NAV2: variants seen among roughly 807,000 people sequenced by gnomAD.
NAV2 encodes neuron navigator 2, also known as helicase, APC down-regulated 1.
A neutral mutation model predicts 223.2 loss-of-function variants in NAV2; 54 were observed. The observed-to-expected ratio is 0.24, with a 90% confidence interval of 0.19 to 0.30. The LOEUF is 0.30. NAV2 is among the 10% of genes least tolerant of loss of function. The pLI is 1.00. For synonymous variants in NAV2, 1,279 were observed against 1,239.3 expected, an observed-to-expected ratio of 1.03 and a Z score of -0.67; for missense variants, 2,806 against 3,147.5, an observed-to-expected ratio of 0.89 and a Z score of 2.60.
At chr11:20,082,559 C>G (rs773126841) in intron 25 of NAV2, 1 of 1,613,614 alleles carries the variant, frequency 6.2e-7, no homozygotes. Flanking sequence ...TTTCCTCCCC[C>G]TTCCCCATTT....
At chr11:19,460,148 C>A (rs1020722731) in intron 1 of NAV2, among the ~76,000 whole-genome samples, 1 of 152,184 alleles carries the variant, frequency 6.6e-6, no homozygotes, top group Non-Finnish European at 1.5e-5. Flanking sequence ...CATGGTGTTT[C>A]ACACATAGTC....
At chr11:19,749,407 A>G (rs747818524) in intron 1 of NAV2, among the ~76,000 whole-genome samples, 22 of 152,304 alleles carry the variant, frequency 1.4e-4, no homozygotes, top group African/African-American at 4.8e-4. Flanking sequence ...GTTATTTTTT[A>G]TGATGACTTT....
At position 20,042,024 on chromosome 11, in the gene NAV2, G is replaced by A. The variant is rs145750169; in HGVS notation, c.2908-1957G>A. Among the ~76,000 whole-genome samples the A allele has an allele frequency of 1.6e-4, 24 of 152,176 alleles. No individual in the cohort carries two copies. The East Asian group carries it at 3.9e-3, about 24-fold the overall frequency. ...CTATCTCTGCCTGTTTCACTGGATCGTAAGCTCCACCATGGGTGGGAAATC... is the reference window on the plus strand; with the variant it reads ...CTATCTCTGCCTGTTTCACTGGATCATAAGCTCCACCATGGGTGGGAAATC... On this transcript the variant is annotated intron_variant, in intron 12 of 37. Transcript: ENST00000349880.
intron 1 of NAV2, among the ~76,000 whole-genome samples, chr11:19,635,184 A>G (rs1411868471): frequency 1.3e-5 from 2 of 152,214 alleles, no homozygotes; most frequent in African/African-American, 4.8e-5. Context: ...AAGTGATATA[A>G]GATGTGGTTG....
chr11:19,503,447 T>C (rs1238888731), intron 1 of NAV2: 1 of 152,224 alleles, frequency 6.6e-6, no homozygotes, highest in Non-Finnish European at 1.5e-5. Flanking sequence ...CTCTGTGCTC[T>C]GCTTATTCAT....
chr11:19,582,488 T>G (rs951792044), intron 1 of NAV2, among the ~76,000 whole-genome samples: 137 of 152,380 alleles, frequency 9.0e-4, no homozygotes, highest in Non-Finnish European at 1.2e-3. Flanking sequence ...CTAGGGTTTT[T>G]ATGGTTTTAG....
At chr11:19,410,669 G>T (rs1291861414) in intron 1 of NAV2, among the ~76,000 whole-genome samples, 1 of 152,102 alleles carries the variant, frequency 6.6e-6, no homozygotes, top group Non-Finnish European at 1.5e-5. Context: ...ACTAATGAAG[G>T]TATAATAGAT....
At chr11:19,651,730 T>C (rs1329682747) in intron 1 of NAV2, among the ~76,000 whole-genome samples, 1 of 152,212 alleles carries the variant, frequency 6.6e-6, no homozygotes, top group Non-Finnish European at 1.5e-5. Flanking sequence ...TGGAAACTTG[T>C]TTTATAATTT....
At chr11:19,359,378 G>A (rs1201776828) in intron 1 of NAV2, among the ~76,000 whole-genome samples, 1 of 152,194 alleles carries the variant, frequency 6.6e-6, no homozygotes, top group African/African-American at 2.4e-5. Flanking sequence ...ACGGGTCCAT[G>A]GTGACAGGTG....
Position 20,068,088 on chromosome 11 carries a change from G to C in NAV2, c.4885-98G>C, listed in dbSNP as rs552075175. On this transcript the variant is annotated intron_variant, in intron 20 of 37. Coordinates refer to ENST00000349880, the MANE Select transcript of NAV2 (RefSeq NM_145117.5). ...AGAAAAGAAACTAATAATTCTTCCA[G>C]ACTGCTGCAACCATCTGAATATGGT... 39 of 1,092,958 alleles carry C rather than the reference G, an allele frequency of 3.6e-5. No individual in the cohort carries two copies. The South Asian group carries it at 3.6e-4, about 10-fold the overall frequency. The allele number at this position is 1,092,958 out of a possible 1,614,324, so 67.7% of individuals were successfully genotyped here. A position where few individuals can be genotyped will look rare whatever the true frequency, so the allele number is the denominator to read the frequency against.
At chr11:19,759,133 C>G (rs1276029693) in intron 1 of NAV2, among the ~76,000 whole-genome samples, 1 of 113,042 alleles carries the variant, frequency 8.8e-6, no homozygotes, top group Non-Finnish European at 1.7e-5. Flanking sequence ...GAATCTTGCT[C>G]TGTCAGTGGC....
intron 1 of NAV2, among the ~76,000 whole-genome samples, chr11:19,664,729 A>C (rs2048366031): frequency 6.6e-6 from 1 of 152,182 alleles, no homozygotes; most frequent in Non-Finnish European, 1.5e-5. Context: ...CTATACCTTG[A>C]GGGCTTTACA....
At chr11:19,619,235 G>T (rs541644473) in intron 1 of NAV2, among the ~76,000 whole-genome samples, 2 of 142,856 alleles carry the variant, frequency 1.4e-5, no homozygotes, top group Non-Finnish European at 3.0e-5. Flanking sequence ...GCATGTGTCT[G>T]TATAGCAGCA....
At chr11:20,114,478 C>T (rs2062887120) in intron 36 of NAV2, 114 bp from the exon 37 acceptor site, 3 of 879,578 alleles carry the variant, frequency 3.4e-6, no homozygotes, top group African/African-American at 3.3e-5. Context: ...TGGAATTACT[C>T]CATCAGGGAA....
chr11:20,095,138 C>A (rs2153690178), intron 29 of NAV2, among the ~76,000 whole-genome samples: 1 of 152,128 alleles, frequency 6.6e-6, no homozygotes, highest in Admixed American at 6.5e-5. Context: ...ACATTTTGTC[C>A]TGACAATGTT....
intron 11 of NAV2, among the ~76,000 whole-genome samples, chr11:20,034,192 G>C (rs7949474): frequency 0.21 from 31,239 of 151,722 alleles, 3,385 homozygotes; most frequent in Middle Eastern, 0.33. Flanking sequence ...CTTGTACAGG[G>C]TATCTATTTT....
chr11:19,951,736 T>C (rs2047413411), intron 10 of NAV2, among the ~76,000 whole-genome samples: 1 of 152,238 alleles, frequency 6.6e-6, no homozygotes, highest in Non-Finnish European at 1.5e-5. Context: ...CTGGTTTCTT[T>C]AACCATCCAA....
intron 26 of NAV2, among the ~76,000 whole-genome samples, chr11:20,084,396 C>G (rs1857939169): frequency 6.6e-6 from 1 of 152,200 alleles, no homozygotes; most frequent in Non-Finnish European, 1.5e-5. Context: ...CTGCACCCAA[C>G]CAGGGTTATG....
intron 10 of NAV2, among the ~76,000 whole-genome samples, chr11:19,964,809 CTTTTTTTTTTTTTT>C (rs71050695): frequency 7.0e-5 from 4 of 57,526 alleles, no homozygotes; most frequent in Non-Finnish European, 1.3e-4. Context: ...CCTCATTCTA[CTTTTTTTTTTTTTT>C]TTTTTTTTTT....
Sources: allele counts gnomAD v4.1 joint callset (sites outside exome capture counted in the v4.1 genomes callset), GRCh38; gene constraint gnomAD v4.1.1; transcripts MANE v1.5; gene names NCBI Gene and HGNC (gene_info 2026-07-23, HGNC 2026-07-21).